The following CAPN9 variants were observed in gnomAD, a reference collection of about 807,000 sequenced individuals.
CAPN9 encodes calpain-9.
A neutral mutation model predicts 92.8 loss-of-function variants in CAPN9; 81 were observed. The ratio of observed to expected loss-of-function variants is 0.87; its 90% confidence interval spans 0.73 to 1.05. The LOEUF is 1.05. CAPN9 is among the 50% of genes least tolerant of loss of function. The probability of loss-of-function intolerance (pLI) is 0.00; values close to 1 mark genes in which losing one functional copy is unlikely to be tolerated. For missense variants in CAPN9, 848 were observed against 866.2 expected (o/e 0.98, Z 0.26); for synonymous variants, 304 against 328.0 (o/e 0.93, Z 0.79).
rs769514518 is a variant in CAPN9, at chr1:230,769,251, G to A, written c.777G>A (p.Thr259=). 3.3e-5 allele frequency: 53 copies of A among 1,613,468 alleles called. No homozygotes were observed. Among genetic ancestry groups the A allele is most frequent in the South Asian group, 2.6e-4 (24 of 91,074 alleles). ...GLIKGHAYSV[T]GIDQVSFRGQ... is the part of the protein sequence containing the mutation. ...TTAAGGGTCATGCCTACAGTGTAAC[G>A]GGAATTGACCAGGTAGGCGACTTGA... The change falls in exon 6 of 20, where the codon ACG becomes ACA. Residue 259 remains threonine (T), a synonymous_variant. Transcript: ENST00000271971.
chr1:230,786,768 A>G (rs1667619254), intron 12 of CAPN9, among the ~76,000 whole-genome samples: 1 of 152,082 alleles, frequency 6.6e-6, no homozygotes, highest in Admixed American at 6.5e-5. Flanking sequence ...TTTTAATTGT[A>G]TTTTAAGAAA....
chr1:230,768,876 C>T (rs1403993431), intron 5 of CAPN9, among the ~76,000 whole-genome samples: 1 of 152,162 alleles, frequency 6.6e-6, no homozygotes, highest in Non-Finnish European at 1.5e-5. Context: ...ATTGTGTCTT[C>T]TCTCTCACAC....
chr1:230,762,814 A>G (rs573958004), intron 4 of CAPN9, 28 bp downstream of exon 4: 226 of 1,610,134 alleles, frequency 1.4e-4, no homozygotes, highest in Non-Finnish European at 1.8e-4. Context: ...CAGCTCAGGC[A>G]GCCTCCCGAC....
intron 8 of CAPN9, among the ~76,000 whole-genome samples, chr1:230,777,334 G>T (rs1666868929): frequency 6.6e-6 from 1 of 152,094 alleles, no homozygotes; most frequent in East Asian, 1.9e-4. Flanking sequence ...GGCTGAGCCT[G>T]CCCAAGGTGA....
At chr1:230,761,904 C>G (rs542707033) in intron 3 of CAPN9, among the ~76,000 whole-genome samples, 57 of 152,328 alleles carry the variant, frequency 3.7e-4, no homozygotes, top group African/African-American at 1.3e-3. Context: ...CAAACACACA[C>G]GTGTGTAGAA....
At chr1:230,754,311 T>C (rs1376360567) in intron 1 of CAPN9, among the ~76,000 whole-genome samples, 1 of 152,178 alleles carries the variant, frequency 6.6e-6, no homozygotes, top group Non-Finnish European at 1.5e-5. Flanking sequence ...TTTGTTCATG[T>C]TTTATAAATA....
At chr1:230,774,655 A>C in intron 8 of CAPN9, 24 bp downstream of exon 8, 1 of 1,562,526 alleles carries the variant, frequency 6.4e-7, no homozygotes, top group South Asian at 1.1e-5. Context: ...TCCTGTGTTA[A>C]CTGCAGATAC....
rs538488407 is a variant in CAPN9 at position 230,767,123 on chromosome 1, C to T, written c.537-418C>T. On this transcript the variant is annotated intron_variant, in intron 4 of 19. Transcript: ENST00000271971. The stretch of plus-strand genomic sequence containing the variant: ...TCTCTCTATCCACATAGCCAGGCCC[C>T]GTTCCATGGGAGGTTAGAGAGTGAG... Among the ~76,000 whole-genome samples the T allele has an allele frequency of 1.2e-4, 18 of 152,268 alleles. No homozygotes were observed. The South Asian group carries it at 2.1e-3, about 18-fold the overall frequency.
intron 1 of CAPN9, among the ~76,000 whole-genome samples, chr1:230,751,621 A>AAGAG (rs1470980640): frequency 1.8e-5 from 1 of 56,306 alleles, no homozygotes; most frequent in East Asian, 4.7e-4. Flanking sequence ...GAAAGAAAGA[A>AAGAG]AGAAAGAAAG....
chr1:230,760,821 G>A (rs1665586148), intron 3 of CAPN9, among the ~76,000 whole-genome samples: 1 of 152,134 alleles, frequency 6.6e-6, no homozygotes, highest in Middle Eastern at 3.2e-3. Flanking sequence ...GTTGGGGGTG[G>A]TTAAGCTCAG....
At chr1:230,761,896 A>G (rs1175086951) in intron 3 of CAPN9, among the ~76,000 whole-genome samples, 1 of 152,178 alleles carries the variant, frequency 6.6e-6, no homozygotes, top group East Asian at 1.9e-4. Flanking sequence ...CATGTGCTCA[A>G]ACACACACGT....
At chr1:230,751,580 AG>A (rs1221860013) in intron 1 of CAPN9, among the ~76,000 whole-genome samples, 20 of 19,122 alleles carry the variant, frequency 1.0e-3, no homozygotes, top group African/African-American at 5.8e-3. Context: ...GAAAGAAGAA[AG>A]AAACAAAGAA....
intron 8 of CAPN9, chr1:230,777,038 G>A (rs1429131879): frequency 2.0e-5 from 3 of 152,168 alleles, no homozygotes; most frequent in Non-Finnish European, 4.4e-5. Context: ...GAAGTACAGG[G>A]GACTTTGAGT....
intron 3 of CAPN9, among the ~76,000 whole-genome samples, chr1:230,761,894 C>T (rs759831365): frequency 6.6e-6 from 1 of 152,220 alleles, no homozygotes; most frequent in Non-Finnish European, 1.5e-5. Context: ...TACATGTGCT[C>T]AAACACACAC....
chr1:230,766,052 C>A (rs115378807), intron 4 of CAPN9, among the ~76,000 whole-genome samples: 18 of 152,048 alleles, frequency 1.2e-4, no homozygotes, highest in Admixed American at 6.6e-4. Flanking sequence ...TTTACCTCTC[C>A]GGTCTTCCTT....
At position 230,762,752 on chromosome 1, in the gene CAPN9, T is replaced by C. The variant is rs1047298071; in HGVS notation, c.502T>C (p.Phe168Leu). 3.1e-6 allele frequency: 5 copies of C among 1,613,970 alleles called. No homozygotes were observed. In the East Asian group the frequency reaches 1.1e-4, roughly 36 times the overall value. The change falls in exon 4 of 20, where the codon TTC becomes CTC. Residue 168 changes from phenylalanine (F) to leucine (L), a missense_variant. Phe to Leu is a conservative substitution (Grantham distance 22). Coordinates refer to ENST00000271971, the MANE Select transcript of CAPN9 (RefSeq NM_006615.3). ...VFLHSADHNE[F>L]WSALLEKAYA... The stretch of plus-strand genomic sequence containing the variant: ...CCTCCACTCTGCCGACCACAACGAG[T>C]TCTGGAGCGCCTTGCTGGAAAAAGC...
chr1:230,790,372 T>C (rs1289850008), intron 14 of CAPN9, 183 bp downstream of exon 14: 4 of 944,056 alleles, frequency 4.2e-6, no homozygotes, highest in Admixed American at 6.2e-5. Context: ...AGGTTTATAG[T>C]AGAAAATTCT....
chr1:230,781,155 C>T (rs748109100), intron 11 of CAPN9, among the ~76,000 whole-genome samples: 15 of 152,162 alleles, frequency 9.9e-5, no homozygotes, highest in Non-Finnish European at 1.8e-4. Flanking sequence ...AGGAGTGAGC[C>T]ACCACGCCAG....
chr1:230,789,738 A>G (rs865774400), intron 13 of CAPN9, among the ~76,000 whole-genome samples: 2 of 152,266 alleles, frequency 1.3e-5, no homozygotes, highest in African/African-American at 2.4e-5. Flanking sequence ...AGGTGGTTCT[A>G]CTGTACAGAG....
Sources: gnomAD v4.1 joint callset for allele counts (sites outside exome capture counted in the v4.1 genomes callset) on GRCh38, gnomAD v4.1.1 for gene constraint, MANE v1.5 for transcripts, NCBI Gene and HGNC (gene_info 2026-07-23, HGNC 2026-07-21) for gene names.